The following PHF2 variants were observed in gnomAD, a reference collection of about 807,000 sequenced individuals.
The protein encoded by PHF2 is PHD finger protein 2.
In PHF2, 27 loss-of-function variants were observed where a neutral mutation model predicts 120.5. The observed-to-expected ratio is 0.22, with a 90% CI of 0.17 to 0.31. The LOEUF is 0.31. PHF2 is among the 10% of genes least tolerant of loss of function. The probability of loss-of-function intolerance (pLI) is 1.00; values close to 1 mark genes in which losing one functional copy is unlikely to be tolerated. For missense variants in PHF2, 1,024 were observed against 1,434.8 expected (o/e 0.71, Z 4.63); for synonymous variants, 568 against 592.5 (o/e 0.96, Z 0.60).
intron 1 of PHF2, among the ~76,000 whole-genome samples, chr9:93,581,469 C>A (rs1862928000): frequency 6.6e-6 from 1 of 152,108 alleles, no homozygotes; most frequent in South Asian, 2.1e-4. Flanking sequence ...AGGAATAAAT[C>A]ATTTTAAAAC....
chr9:93,622,363 A>G (rs959143169), intron 1 of PHF2, among the ~76,000 whole-genome samples: 1 of 152,220 alleles, frequency 6.6e-6, no homozygotes, highest in Non-Finnish European at 1.5e-5. Context: ...TAATCCTGCA[A>G]CTTTAAGTAG....
intron 1 of PHF2, among the ~76,000 whole-genome samples, chr9:93,605,777 G>A (rs963899346): frequency 1.3e-5 from 2 of 152,036 alleles, no homozygotes; most frequent in Non-Finnish European, 2.9e-5. Flanking sequence ...TCATTGTCTG[G>A]ATGTACCACA....
intron 17 of PHF2, among the ~76,000 whole-genome samples, chr9:93,669,068 G>A (rs72747451): frequency 0.13 from 19,221 of 152,310 alleles, 1,369 homozygotes; most frequent in Non-Finnish European, 0.17. Flanking sequence ...TATTTTCCAT[G>A]CCGACTAGTT....
chr9:93,587,722 G>A (rs1404601298), intron 1 of PHF2, among the ~76,000 whole-genome samples: 2 of 152,112 alleles, frequency 1.3e-5, no homozygotes, highest in African/African-American at 4.8e-5. Flanking sequence ...GAGGGTGGAA[G>A]CACTAGCTGC....
In PHF2 at chr9:93,629,972, G is replaced by A; in HGVS notation, c.101G>A (p.Cys34Tyr). The change falls in exon 2 of 22, where the codon TGT (cysteine) becomes TAT (tyrosine). Residue 34 changes from cysteine to tyrosine, a missense_variant and splice_region_variant. By Grantham distance (194) the Cys-to-Tyr change is radical (BLOSUM62 -2). Around this residue, in one of 2 missense-constraint regions of PHF2, gnomAD observed 347 missense variants for 577.4 expected, o/e 0.60. Coordinates refer to ENST00000359246, the MANE Select transcript of PHF2 (RefSeq NM_005392.4). The part of the protein sequence containing the change: ...DACKDWFHGS[C>Y]VGVEEEEAPD... ...TGGTCTATTTCGTCTCGTTTCAGCT[G>A]TGTTGGGGTGGAAGAGGAGGAGGCG... 1 of 1,614,178 alleles carries A rather than the reference G, an allele frequency of 6.2e-7. No individual in the cohort carries two copies. Among genetic ancestry groups the A allele is most frequent in the Non-Finnish European group, 8.5e-7 (1 of 1,180,008 alleles).
intron 16 of PHF2, 54 bp from the exon 17 acceptor site, chr9:93,667,026 C>T: frequency 6.6e-7 from 1 of 1,508,858 alleles, no homozygotes; most frequent in Non-Finnish European, 8.9e-7. Context: ...AACTCCCAGG[C>T]CACTTTGGTG....
At chr9:93,602,004 C>T (rs1245682848) in intron 1 of PHF2, among the ~76,000 whole-genome samples, 1 of 151,954 alleles carries the variant, frequency 6.6e-6, no homozygotes, top group Non-Finnish European at 1.5e-5. Context: ...ATCTGTCCTC[C>T]TCTCTGGAGC....
intron 1 of PHF2, among the ~76,000 whole-genome samples, chr9:93,590,230 T>A (rs139113272): frequency 2.1e-3 from 316 of 152,328 alleles, no homozygotes; most frequent in Non-Finnish European, 3.4e-3. Flanking sequence ...CTCACTATGG[T>A]TTAATGTGCA....
intron 4 of PHF2, among the ~76,000 whole-genome samples, chr9:93,648,195 A>T (rs1338634172): frequency 6.6e-6 from 1 of 152,180 alleles, no homozygotes; most frequent in African/African-American, 2.4e-5. Flanking sequence ...AGAGAAGGCC[A>T]TGTTGGTCCT....
In PHF2 at chr9:93,659,574, C is replaced by T; in HGVS notation, c.1303C>T (p.Leu435=). 6.2e-7 allele frequency: 1 copy of T among 1,614,112 alleles called. No homozygotes were observed. Among genetic ancestry groups the T allele is most frequent in the Non-Finnish European group, 8.5e-7 (1 of 1,180,014 alleles). Residue 435 remains leucine, a synonymous_variant, in exon 11 of 22, where the codon CTG becomes TTG. Coordinates refer to ENST00000359246, the MANE Select transcript of PHF2 (RefSeq NM_005392.4). ...HFKPSQLIKD[L]AKEIRLSENA... The stretch of plus-strand genomic sequence containing the variant: ...CAAACCTTCACAGCTAATCAAAGAC[C>T]TGGCCAAAGAGATCCGGCTCAGTGA...
chr9:93,674,834 G>C, intron 18 of PHF2, 93 bp from the exon 19 acceptor site: 1 of 842,656 alleles, frequency 1.2e-6, no homozygotes, highest in Non-Finnish European at 2.0e-6. Flanking sequence ...GGTTGCTGGC[G>C]AGGAAGGTCT....
chr9:93,641,403 T>A (rs117861880), intron 3 of PHF2, among the ~76,000 whole-genome samples: 1 of 152,370 alleles, frequency 6.6e-6, no homozygotes, highest in East Asian at 1.9e-4. Context: ...CTCCAGCAGC[T>A]TCCGCTTCAG....
chr9:93,653,609 TG>T (rs1826405759), intron 6 of PHF2, among the ~76,000 whole-genome samples: 2 of 152,284 alleles, frequency 1.3e-5, no homozygotes, highest in Admixed American at 1.3e-4. Flanking sequence ...CGTTAACAAT[TG>T]GGTGAGACCA....
At chr9:93,585,486 G>A (rs531338466) in intron 1 of PHF2, among the ~76,000 whole-genome samples, 27 of 152,366 alleles carry the variant, frequency 1.8e-4, no homozygotes, top group Non-Finnish European at 3.1e-4. Context: ...TGGCCTCATT[G>A]ATCTCCATGC....
chr9:93,613,560 C>CTTTT (rs201420565), intron 1 of PHF2, among the ~76,000 whole-genome samples: 1 of 129,054 alleles, frequency 7.7e-6, no homozygotes, highest in Non-Finnish European at 1.6e-5. Context: ...TTTTCTTTTT[C>CTTTT]TTTTTTTTTT....
chr9:93,606,307 A>G (rs1564378499), intron 1 of PHF2, among the ~76,000 whole-genome samples: 5 of 152,304 alleles, frequency 3.3e-5, no homozygotes, highest in East Asian at 1.9e-4. Flanking sequence ...ACTGTCTTCC[A>G]TAGTGGCTGT....
intron 6 of PHF2, 28 bp downstream of exon 6, chr9:93,653,393 G>A: frequency 6.2e-7 from 1 of 1,608,556 alleles, no homozygotes; most frequent in Non-Finnish European, 8.5e-7. Context: ...GGGCACCTCT[G>A]CCTTGCCATG....
chr9:93,587,997 G>C (rs923014339), intron 1 of PHF2, among the ~76,000 whole-genome samples: 7 of 152,164 alleles, frequency 4.6e-5, no homozygotes, highest in Non-Finnish European at 7.3e-5. Flanking sequence ...CTGTGTGGCG[G>C]GGTGGGCAGG....
chr9:93,633,902 C>T (rs1279944733), intron 2 of PHF2, among the ~76,000 whole-genome samples: 1 of 152,106 alleles, frequency 6.6e-6, no homozygotes, highest in African/African-American at 2.4e-5. Flanking sequence ...CTTTGATCTC[C>T]TCAGCCAGCC....
Sources: allele counts gnomAD v4.1 joint callset (sites outside exome capture counted in the v4.1 genomes callset), GRCh38; gene constraint gnomAD v4.1.1; regional missense constraint gnomAD v4.1.1; transcripts MANE v1.5; gene names NCBI Gene and HGNC (gene_info 2026-07-23, HGNC 2026-07-21).